Variants in DMD observed in about 807,000 individuals in gnomAD.
DMD encodes dystrophin.
DMD carries 63 observed loss-of-function variants against 330.1 expected under a neutral mutation model. The ratio of observed to expected loss-of-function variants is 0.19; its 90% CI spans 0.16 to 0.24. The LOEUF is 0.24. Ranked by LOEUF, DMD falls within the 10% of genes least tolerant of loss-of-function variation. The pLI is 1.00. For missense variants in DMD, 3,344 were observed against 2,684.1 expected (o/e 1.25, Z -5.43); for synonymous variants, 1,223 against 959.8 (o/e 1.27, Z -5.07).
chrX:31,405,440 T>C (rs1382284212), intron 60 of DMD, among the ~76,000 whole-genome samples: 1 of 111,886 alleles, frequency 8.9e-6, no homozygotes, highest in Non-Finnish European at 1.9e-5. Context: ...TTTAATAGAA[T>C]GATAATTTCC....
At chrX:33,229,579 G>A (rs2052353880) in intron 1 of DMD, among the ~76,000 whole-genome samples, 1 of 111,596 alleles carries the variant, frequency 9.0e-6, no homozygotes, top group African/African-American at 3.2e-5. Context: ...ATATTTGTGC[G>A]GGTCTATTTC....
intron 33 of DMD, among the ~76,000 whole-genome samples, chrX:32,383,625 G>T (rs779134010): frequency 1.3e-4 from 14 of 110,387 alleles, no homozygotes; most frequent in South Asian, 7.5e-4. Flanking sequence ...CTATGTTTTT[G>T]CTGTATTCTG....
intron 22 of DMD, among the ~76,000 whole-genome samples, chrX:32,471,590 C>G (rs1054450698): frequency 1.8e-5 from 2 of 111,853 alleles, no homozygotes; most frequent in African/African-American, 6.5e-5. Context: ...CTAAATAATA[C>G]AGTATAACAC....
chrX:31,281,113 T>C (rs2052579281), intron 62 of DMD, among the ~76,000 whole-genome samples: 1 of 111,451 alleles, frequency 9.0e-6, no homozygotes, highest in Admixed American at 9.6e-5. Context: ...GAGGGCTGAG[T>C]TGAGCTTAAG....
chrX:32,883,845 A>G lies in DMD; in HGVS notation c.94-34025T>C, dbSNP rs892573427. ...TTTCAAAAAAAAAAAAAAAAAAAAA[A>G]AAAAAAGAAAATGACTTCCATTTTA... On this transcript the variant is annotated intron_variant, in intron 2 of 78. Transcript: ENST00000357033. Among the ~76,000 whole-genome samples the G allele has an allele frequency of 4.3e-4, 45 of 103,472 alleles. 3 individuals carry two copies. Among genetic ancestry groups the G allele is most frequent in the Admixed American group, 3.6e-3 (34 of 9,424 alleles). The allele number at this position is 103,472 out of a possible 115,157, so 89.9% of individuals were successfully genotyped here.
At chrX:32,593,531 T>A (rs2055173351) in intron 13 of DMD, among the ~76,000 whole-genome samples, 1 of 111,494 alleles carries the variant, frequency 9.0e-6, no homozygotes, top group Non-Finnish European at 1.9e-5. Flanking sequence ...AGAGGGAGAC[T>A]GAGATATAGT....
intron 44 of DMD, among the ~76,000 whole-genome samples, chrX:32,084,848 G>A (rs1183490809): frequency 9.0e-6 from 1 of 111,036 alleles, no homozygotes; most frequent in Non-Finnish European, 1.9e-5. Context: ...TAATAACAGG[G>A]CCTTTGAGTA....
chrX:31,433,441 T>C (rs1382806960), intron 60 of DMD, among the ~76,000 whole-genome samples: 1 of 108,474 alleles, frequency 9.2e-6, no homozygotes, highest in African/African-American at 3.4e-5. Context: ...CAAATGGTAG[T>C]TCTTTTTTTT....
At chrX:32,632,589 T>A (rs2058808582) in intron 11 of DMD, among the ~76,000 whole-genome samples, 1 of 112,332 alleles carries the variant, frequency 8.9e-6, no homozygotes, top group South Asian at 3.7e-4. Flanking sequence ...ACCTCTAAAA[T>A]CTAGATGGAT....
intron 47 of DMD, among the ~76,000 whole-genome samples, chrX:31,887,926 A>G (rs1032699704): frequency 1.4e-4 from 16 of 112,448 alleles, no homozygotes; most frequent in Non-Finnish European, 1.5e-4. Flanking sequence ...AAAACAGAAA[A>G]GAGAAGGTAA....
At chrX:32,881,071 A>G (rs1315899596) in intron 2 of DMD, among the ~76,000 whole-genome samples, 1 of 113,100 alleles carries the variant, frequency 8.8e-6, no homozygotes, top group African/African-American at 3.2e-5. Flanking sequence ...ACAGGTATGA[A>G]GCAGAAACCA....
chrX:33,292,844 G>A (rs2053532084), intron 1 of DMD, among the ~76,000 whole-genome samples: 1 of 110,477 alleles, frequency 9.1e-6, no homozygotes, highest in Admixed American at 9.7e-5. Context: ...ATCTCCCATT[G>A]TTGCTCTTAC....
At chrX:32,596,463 T>C (rs143873003) in intron 12 of DMD, among the ~76,000 whole-genome samples, 1,245 of 111,739 alleles carry the variant, frequency 0.011, 20 homozygotes, top group African/African-American at 0.039. Flanking sequence ...ACTTGACATG[T>C]TGATTACTAA....
intron 7 of DMD, among the ~76,000 whole-genome samples, chrX:32,741,124 T>C (rs944551761): frequency 2.7e-5 from 3 of 111,639 alleles, no homozygotes; most frequent in African/African-American, 9.8e-5. Context: ...TGTCATAGTG[T>C]AATAGAATCT....
chrX:31,307,875 C>G (rs2055166298), intron 62 of DMD, among the ~76,000 whole-genome samples: 1 of 111,612 alleles, frequency 9.0e-6, no homozygotes, highest in Non-Finnish European at 1.9e-5. Context: ...TGGTCCCCAG[C>G]CTTTTTGGCA....
chrX:32,377,538 T>C (rs1426885011), intron 34 of DMD, among the ~76,000 whole-genome samples: 1 of 111,957 alleles, frequency 8.9e-6, no homozygotes, highest in African/African-American at 3.2e-5. Context: ...TCTAGTACTA[T>C]GACATACACA....
At chrX:31,507,176 G>T in intron 56 of DMD, 105 bp downstream of exon 56, 1 of 774,520 alleles carries the variant, frequency 1.3e-6, no homozygotes, top group Non-Finnish European at 2.0e-6. Flanking sequence ...GAAATTGGAT[G>T]ATTTACGTAG....
chrX:31,915,450 G>C (rs1231937975), intron 47 of DMD, among the ~76,000 whole-genome samples: 1 of 111,459 alleles, frequency 9.0e-6, no homozygotes, highest in Non-Finnish European at 1.9e-5. Context: ...TATTATAGTA[G>C]CTCAGTCTAC....
At chrX:31,500,012 T>C (rs188382614) in intron 56 of DMD, among the ~76,000 whole-genome samples, 1 of 110,734 alleles carries the variant, frequency 9.0e-6, no homozygotes, top group Admixed American at 9.6e-5. Flanking sequence ...TGTTTGATCA[T>C]CCTAACTACA....
Sources: allele counts gnomAD v4.1 joint callset (sites outside exome capture counted in the v4.1 genomes callset), GRCh38; gene constraint gnomAD v4.1.1; transcripts MANE v1.5; gene names NCBI Gene and HGNC (gene_info 2026-07-23, HGNC 2026-07-21).